The following GATA5 variants were observed in gnomAD, a reference collection of about 807,000 sequenced individuals.
GATA5 encodes transcription factor GATA-5.
GATA5 carries 27 observed loss-of-function variants against 35.0 expected under a neutral mutation model. The observed-to-expected ratio is 0.77, with a 90% CI of 0.57 to 1.06. The LOEUF is 1.06. GATA5 is among the 50% of genes least tolerant of loss of function. The pLI, the probability that GATA5 is intolerant of heterozygous loss-of-function variation, is 0.00. For missense variants in GATA5, 612 were observed against 580.0 expected, an observed-to-expected ratio of 1.06 and a Z score of -0.57; for synonymous variants, 306 against 267.8, an observed-to-expected ratio of 1.14 and a Z score of -1.39.
rs532107400 is a variant in GATA5 at position 62,474,892 on chromosome 20, G to A, written c.523+107C>T. On this transcript the variant is annotated intron_variant, in intron 2 of 6. Transcript: ENST00000252997. ...GGCTGCTGGTGTCGCTCCTGGCAGG[G>A]AGGCTCGGACCGTGGGGGAGGATGA... 1,306 of 1,001,118 alleles carry A rather than the reference G, an allele frequency of 1.3e-3. 4 individuals carry two copies. Among genetic ancestry groups the A allele is most frequent in the Non-Finnish European group, 1.6e-3 (1,252 of 773,452 alleles). The allele number at this position is 1,001,118 out of a possible 1,614,324, so 62.0% of individuals were successfully genotyped here.
rs560305163 is a variant in GATA5 at position 62,464,586 on chromosome 20, G to A, written c.*250C>T. 7.3e-5 allele frequency: 28 copies of A among 383,652 alleles called. No individual in the cohort carries two copies. Among genetic ancestry groups the A allele is most frequent in the East Asian group, 6.7e-4 (16 of 23,726 alleles). 23.8% of individuals were successfully genotyped at this position (383,652 alleles called of 1,614,324 possible). A position where few individuals can be genotyped will look rare whatever the true frequency, so the allele number is the denominator to read the frequency against. On this transcript the variant is annotated 3_prime_UTR_variant, in exon 7 of 7. Transcript: ENST00000252997. ...CCAGTGTGGTCCGGAGCCTTGGGCCGCACCTGGGGAGTCCCTTGCTGTACG... is the reference window on the plus strand; with the variant it reads ...CCAGTGTGGTCCGGAGCCTTGGGCCACACCTGGGGAGTCCCTTGCTGTACG...
In GATA5 at chr20:62,475,127, C is replaced by T. The variant is rs782352129; in HGVS notation, c.395G>A (p.Arg132Gln). The change falls in exon 2 of 7, where the codon CGG becomes CAG. Residue 132 changes from arginine to glutamine, a missense_variant. Physicochemically the swap from Arg to Gln is conservative, Grantham distance 43 (BLOSUM62 1). Coordinates refer to ENST00000252997, the MANE Select transcript of GATA5 (RefSeq NM_080473.5). Reference sequence around the variant, plus strand: ...GGCGGAGTACGAGGTCCCCACCGGCCGCCCAAGCGGGGCCGCGAACTGTTC... The same window carrying T: ...GGCGGAGTACGAGGTCCCCACCGGCTGCCCAAGCGGGGCCGCGAACTGTTC... ...PREQFAAPLGRPVGTSYSATY... is the reference protein window; with the variant it reads ...PREQFAAPLGQPVGTSYSATY... 38 of 1,370,506 alleles carry T rather than the reference C, an allele frequency of 2.8e-5. No homozygotes were observed. The highest frequency in any genetic ancestry group is 4.6e-5 in the African/African-American group (3 of 65,800). 84.9% of individuals were successfully genotyped at this position (1,370,506 alleles called of 1,614,324 possible).
At chr20:62,465,171 GC>G (rs1989549757) in intron 6 of GATA5, among the ~76,000 whole-genome samples, 168 bp downstream of exon 6, 2 of 152,216 alleles carry the variant, frequency 1.3e-5, no homozygotes, top group South Asian at 4.1e-4. Flanking sequence ...CCCACATCTG[GC>G]ACAGAGCCAG....
chr20:62,466,684 C>G (rs1222456707), intron 3 of GATA5, 133 bp from the exon 4 acceptor site: 1 of 1,016,036 alleles, frequency 9.8e-7, no homozygotes, highest in Non-Finnish European at 1.4e-6. Context: ...CTGCAATGGC[C>G]TCGCCTGGCA....
rs201914738 is a variant in GATA5, at chr20:62,464,786, G to A, written c.*50C>T. On this transcript the variant is annotated 3_prime_UTR_variant, in exon 7 of 7. Transcript: ENST00000252997. ...GCAAAGCAGGCACGGAGGTGACTCA[G>A]TGGGTGGTCTGTTCCAGGCTGTTCC... The A allele has an allele frequency of 1.3e-6, 2 of 1,486,562 alleles. No homozygotes were observed. The highest frequency in any genetic ancestry group is 2.5e-4 in the Middle Eastern group (1 of 4,058). 92.1% of individuals were successfully genotyped at this position (1,486,562 alleles called of 1,614,324 possible).
rs544499909 is a variant in GATA5 at position 62,464,540 on chromosome 20, G to T, written c.*296C>A. 3.4e-6 allele frequency: 1 copy of T among 291,874 alleles called. No individual in the cohort carries two copies. Among genetic ancestry groups the T allele is most frequent in the Non-Finnish European group, 6.3e-6 (1 of 157,844 alleles). The allele number at this position is 291,874 out of a possible 1,614,324, so 18.1% of individuals were successfully genotyped here. ...CAAGTTGGTGGTGGTGGTGCCCTGC[G>T]TTGGCCTCCGCCGCAGGGGGCCAGT... On this transcript the variant is annotated 3_prime_UTR_variant, in exon 7 of 7. Transcript: ENST00000252997.
At chr20:62,471,152 G>A (rs1166790053) in intron 3 of GATA5, among the ~76,000 whole-genome samples, 4 of 152,064 alleles carry the variant, frequency 2.6e-5, no homozygotes, top group African/African-American at 7.2e-5. Flanking sequence ...GGTATTGCCC[G>A]GCTGGAAGAC....
chr20:62,468,089 G>T (rs782733606), intron 3 of GATA5, among the ~76,000 whole-genome samples: 2 of 144,246 alleles, frequency 1.4e-5, no homozygotes, highest in Non-Finnish European at 3.0e-5. Flanking sequence ...GTTACAGCCC[G>T]CCTCGGTTTC....
In GATA5 at chr20:62,463,950, AG is replaced by A. The variant is rs1989508635; in HGVS notation, c.*885del. ...TAAGGTATCATCCAACCCAGTGTGG[AG>A]GGGGCTTGCAAGAGAAAGAGGGGTC... is the stretch of plus-strand genomic sequence containing the variant. On this transcript the variant is annotated 3_prime_UTR_variant, in exon 7 of 7. Coordinates refer to ENST00000252997, the MANE Select transcript of GATA5 (RefSeq NM_080473.5). The A allele has an allele frequency of 6.9e-6, 1 of 145,148 alleles. No individual in the cohort carries two copies. Among genetic ancestry groups the A allele is most frequent in the Admixed American group, 6.8e-5 (1 of 14,774 alleles). 9.0% of individuals were successfully genotyped at this position (145,148 alleles called of 1,614,324 possible).
intron 2 of GATA5, among the ~76,000 whole-genome samples, chr20:62,474,314 C>CG (rs1232107887): frequency 6.6e-6 from 1 of 152,166 alleles, no homozygotes; most frequent in Non-Finnish European, 1.5e-5. Flanking sequence ...ATCGCCCCGC[C>CG]GGGGGTGGGC....
chr20:62,464,871 G>A lies in GATA5; in HGVS notation c.1159C>T (p.Arg387Cys), dbSNP rs145205240. ...SPQAGLRGAL[R>C]QEAWCALALA ...GCCAGCGCACACCAGGCCTCTTGGC[G>A]CAGAGCCCCCCTGAGGCCAGCCTGG... Residue 387 changes from arginine to cysteine, a missense_variant, in exon 7 of 7, where the codon CGC (arginine) becomes TGC (cysteine). Arg to Cys is a radical substitution (Grantham distance 180). Transcript: ENST00000252997. The A allele has an allele frequency of 2.9e-4, 471 of 1,608,980 alleles. No homozygotes were observed. Among genetic ancestry groups the A allele is most frequent in the Non-Finnish European group, 3.7e-4 (434 of 1,177,940 alleles).
chr20:62,465,358 C>T lies in GATA5; in HGVS notation c.1020G>A (p.Gly340=), dbSNP rs782141388. 6 of 1,590,624 alleles carry T rather than the reference C, an allele frequency of 3.8e-6. No individual in the cohort carries two copies. In the East Asian group the frequency reaches 1.4e-4, roughly 36 times the overall value. The change falls in exon 6 of 7, where the codon GGG becomes GGA. Residue 340 remains glycine, a synonymous_variant. Coordinates refer to ENST00000252997, the MANE Select transcript of GATA5 (RefSeq NM_080473.5). ...CCCTTACCTGGGGGGCCATGCTGGG[C>T]CCAGGGCACACTGGGGACGCCAGGC... The part of the protein sequence containing the change: ...KPSLASPVCP[G]PSMAPQASGQ...
chr20:62,466,360 T>C (rs1459383718), intron 4 of GATA5, 66 bp downstream of exon 4: 4 of 1,488,742 alleles, frequency 2.7e-6, no homozygotes, highest in Non-Finnish European at 3.6e-6. Flanking sequence ...GGTCTGAGAG[T>C]GCGGACGGCG....
chr20:62,474,973 C>A, intron 2 of GATA5, 26 bp downstream of exon 2: 1 of 1,283,154 alleles, frequency 7.8e-7, no homozygotes, highest in Non-Finnish European at 9.9e-7. Context: ...TCCTGGGCCC[C>A]GAGACTGTGG....
chr20:62,469,532 A>G (rs1989673094), intron 3 of GATA5, among the ~76,000 whole-genome samples: 2 of 152,218 alleles, frequency 1.3e-5, no homozygotes, highest in Admixed American at 6.5e-5. Flanking sequence ...GCCCCGACGG[A>G]GCCACGTCTG....
chr20:62,466,781 TAAC>T (rs1350484779), intron 3 of GATA5, among the ~76,000 whole-genome samples: 1 of 152,294 alleles, frequency 6.6e-6, no homozygotes, highest in African/African-American at 2.4e-5. Flanking sequence ...AAGGGGGTGA[TAAC>T]AGACCCACCA....
Position 62,475,087 on chromosome 20 carries a change from G to T in GATA5, c.435C>A (p.Tyr145Ter). The change falls in exon 2 of 7, where the codon TAC (tyrosine) becomes TAA (stop). Residue 145 changes from tyrosine to a stop codon, truncating the protein, a stop_gained. Transcript: ENST00000252997. LOFTEE classifies it high-confidence loss of function. ...GTSYSATYPA[Y>*]VSPDVAQSWT... ...AGGACTGGGCCACGTCGGGGCTCAC[G>T]TAGGCCGGGTAGGTGGCGGAGTACG... 1 of 1,404,858 alleles carries T rather than the reference G, an allele frequency of 7.1e-7. No homozygotes were observed. Among genetic ancestry groups the T allele is most frequent in the Non-Finnish European group, 9.3e-7 (1 of 1,075,436 alleles). 87.0% of individuals were successfully genotyped at this position (1,404,858 alleles called of 1,614,324 possible). A position where few individuals can be genotyped will look rare whatever the true frequency, so the allele number is the denominator to read the frequency against.
chr20:62,466,061 G>T, intron 4 of GATA5, 140 bp from the exon 5 acceptor site: 1 of 669,810 alleles, frequency 1.5e-6, no homozygotes, highest in Non-Finnish European at 2.6e-6. Flanking sequence ...TGGGTCAGCT[G>T]CCAGCTGGGC....
intron 6 of GATA5, 28 bp from the exon 7 acceptor site, chr20:62,465,019 TGGGGTGG>T: frequency 1.1e-5 from 4 of 362,172 alleles, no homozygotes; most frequent in South Asian, 3.2e-5. Flanking sequence ...CGTGAGAATG[TGGGGTGG>T]GGCGTGGGGC....
Sources: gnomAD v4.1 joint callset for allele counts (sites outside exome capture counted in the v4.1 genomes callset) on GRCh38, gnomAD v4.1.1 for gene constraint, MANE v1.5 for transcripts, NCBI Gene and HGNC (gene_info 2026-07-23, HGNC 2026-07-21) for gene names.